Variants in RRAS2 observed in about 807,000 individuals in gnomAD.
RRAS2 encodes the protein ras-related protein R-Ras2.
RRAS2 carries 7 observed loss-of-function variants against 27.6 expected under a neutral mutation model. That is an observed-to-expected ratio of 0.25 (90% CI 0.14 to 0.48). The LOEUF is 0.48. Ranked by LOEUF, RRAS2 falls within the 20% of genes least tolerant of loss-of-function variation. The probability of loss-of-function intolerance (pLI) is 0.99; values close to 1 mark genes in which losing one functional copy is unlikely to be tolerated. For missense variants in RRAS2, 178 were observed against 256.2 expected (o/e 0.69, Z 2.08); for synonymous variants, 86 against 90.9 (o/e 0.95, Z 0.31).
chr11:14,347,775 C>CCACTA, intron 1 of RRAS2, among the ~76,000 whole-genome samples: 1 of 151,990 alleles, frequency 6.6e-6, no homozygotes, highest in Non-Finnish European at 1.5e-5. Context: ...TGTCATCACA[C>CCACTA]CACTACACTA....
Position 14,293,086 on chromosome 11 carries a change from C to T in RRAS2, c.408+1385G>A, listed in dbSNP as rs573345960. On this transcript the variant is annotated intron_variant, in intron 4 of 5. Transcript: ENST00000256196. ...TCACGCCACTGCACTCCAGCCTGGG[C>T]GACAGAACGAGACTCCGTCTCAAAA... 6.0e-4 allele frequency among the ~76,000 whole-genome samples: 79 copies of T among 131,764 alleles called. 1 individual carries two copies. Among genetic ancestry groups the T allele is most frequent in the African/African-American group, 2.1e-3 (72 of 34,182 alleles). The allele number at this position is 131,764 out of a possible 152,430, so 86.4% of individuals were successfully genotyped here.
intron 1 of RRAS2, among the ~76,000 whole-genome samples, chr11:14,321,999 A>G (rs1244882862): frequency 6.6e-6 from 1 of 152,216 alleles, no homozygotes; most frequent in East Asian, 1.9e-4. Flanking sequence ...TATTGACTAT[A>G]TACTATTTAA....
intron 1 of RRAS2, among the ~76,000 whole-genome samples, chr11:14,318,901 C>A (rs959648874): frequency 6.6e-6 from 1 of 152,200 alleles, no homozygotes; most frequent in Admixed American, 6.5e-5. Flanking sequence ...GACTTGGCAA[C>A]AATACAGCTA....
At chr11:14,326,564 A>C (rs1363731328) in intron 1 of RRAS2, among the ~76,000 whole-genome samples, 3 of 152,226 alleles carry the variant, frequency 2.0e-5, no homozygotes, top group Admixed American at 2.0e-4. Context: ...TAAATCAGTA[A>C]AAGAATTTTA....
intron 1 of RRAS2, among the ~76,000 whole-genome samples, chr11:14,307,510 T>C (rs1373448200): frequency 9.2e-6 from 1 of 108,702 alleles, no homozygotes; most frequent in East Asian, 2.9e-4. Context: ...TGCCTCAGCC[T>C]CCCGAGAAGC....
At chr11:14,288,499 T>C (rs993052957) in intron 4 of RRAS2, among the ~76,000 whole-genome samples, 40 of 152,282 alleles carry the variant, frequency 2.6e-4, no homozygotes, top group Admixed American at 1.7e-3. Flanking sequence ...CTGTGGAAGT[T>C]AGAAATCAAA....
In RRAS2 at chr11:14,358,098, G is replaced by A; in HGVS notation, c.108+665C>T. On this transcript the variant is annotated intron_variant, in intron 1 of 5. Coordinates refer to ENST00000256196, the MANE Select transcript of RRAS2 (RefSeq NM_012250.6). This position sits in a 1 kb window ranked among gnomAD's most constrained non-coding sequence, Gnocchi z 5.1. ...ACGGCGAGAAGCAGGACGGCATCAG[G>A]AATTCCTAGGAAATGGTCTCACCCC... 4.0e-6 allele frequency: 2 copies of A among 506,192 alleles called. No homozygotes were observed. The highest frequency in any genetic ancestry group is 5.1e-6 in the Non-Finnish European group (2 of 391,968). The allele number at this position is 506,192 out of a possible 1,614,324, so 31.4% of individuals were successfully genotyped here.
intron 4 of RRAS2, among the ~76,000 whole-genome samples, chr11:14,282,707 C>T (rs1269526486): frequency 1.3e-5 from 2 of 151,414 alleles, no homozygotes; most frequent in East Asian, 3.9e-4. Flanking sequence ...CATAGAGAAT[C>T]ATGTTCTTTT....
intron 1 of RRAS2, among the ~76,000 whole-genome samples, chr11:14,307,540 A>G (rs910336331): frequency 6.6e-6 from 1 of 151,512 alleles, no homozygotes; most frequent in Non-Finnish European, 1.5e-5. Flanking sequence ...AGCGCCCACC[A>G]TTTTACAGAT....
chr11:14,350,994 G>T (rs1232057699), intron 1 of RRAS2, among the ~76,000 whole-genome samples: 3 of 152,174 alleles, frequency 2.0e-5, no homozygotes, highest in African/African-American at 7.2e-5. Flanking sequence ...TTGTACATGT[G>T]TATTTTCATA....
At chr11:14,343,486 G>T (rs558431107) in intron 1 of RRAS2, among the ~76,000 whole-genome samples, 1 of 152,264 alleles carries the variant, frequency 6.6e-6, no homozygotes, top group South Asian at 2.1e-4. Flanking sequence ...CTTCGCAGTG[G>T]TTATCAGAAA....
Position 14,344,983 on chromosome 11 carries a change from C to CTTTTTTTT in RRAS2, c.108+13779_108+13780insAAAAAAAA, listed in dbSNP as rs782306600. On this transcript the variant is annotated intron_variant, in intron 1 of 5. Transcript: ENST00000256196. ...TTTATTTCCTGTGCCCTACTCAAGA[C>CTTTTTTTT]TTTATTTTTTTTTTTTTTTTTTTTG... Among the ~76,000 whole-genome samples the CTTTTTTTT allele has an allele frequency of 2.3e-4, 18 of 78,982 alleles. 3 individuals carry two copies. Among genetic ancestry groups the CTTTTTTTT allele is most frequent in the Non-Finnish European group, 2.4e-4 (10 of 41,404 alleles). 51.8% of individuals were successfully genotyped at this position (78,982 alleles called of 152,430 possible).
chr11:14,294,723 C>A, intron 3 of RRAS2, 37 bp downstream of exon 3: 1 of 1,586,444 alleles, frequency 6.3e-7, no homozygotes, highest in South Asian at 1.1e-5. Flanking sequence ...GTGATCTTGA[C>A]AAGAACAGTG....
In RRAS2 at chr11:14,286,685, A is replaced by C. The variant is rs180937384; in HGVS notation, c.409-4965T>G. On this transcript the variant is annotated intron_variant, in intron 4 of 5. Transcript: ENST00000256196. ...TATACATATATCCAACAACTACTTC[A>C]TAACTGTTTGTGCCCTGTGGCATTC... Among the ~76,000 whole-genome samples the C allele has an allele frequency of 8.1e-4, 123 of 152,338 alleles. 1 individual carries two copies. Among genetic ancestry groups the C allele is most frequent in the African/African-American group, 2.9e-3 (119 of 41,576 alleles).
intron 1 of RRAS2, among the ~76,000 whole-genome samples, chr11:14,319,240 G>A (rs555323024): frequency 6.6e-6 from 1 of 151,408 alleles, no homozygotes; most frequent in Non-Finnish European, 1.5e-5. Context: ...CGTCAATCCT[G>A]ACATTTGGCA....
Position 14,332,755 on chromosome 11 carries a change from G to GT in RRAS2, c.108+26007dup, listed in dbSNP as rs1342388574. 3.9e-5 allele frequency among the ~76,000 whole-genome samples: 6 copies of GT among 152,178 alleles called. No homozygotes were observed. In the East Asian group the frequency reaches 1.2e-3, roughly 29 times the overall value. ...TTGTAATGATGGTTACACAAGGTGT[G>GT]TAATTTTTCAAAACTCACATGACAG... On this transcript the variant is annotated intron_variant, in intron 1 of 5. Transcript: ENST00000256196.
chr11:14,348,299 T>C (rs1848880479), intron 1 of RRAS2, among the ~76,000 whole-genome samples: 1 of 152,196 alleles, frequency 6.6e-6, no homozygotes, highest in Non-Finnish European at 1.5e-5. Flanking sequence ...AAAGTTGTTA[T>C]TTTCCCCCTG....
chr11:14,283,490 C>T (rs749559754), intron 4 of RRAS2, among the ~76,000 whole-genome samples: 5 of 152,180 alleles, frequency 3.3e-5, no homozygotes, highest in African/African-American at 7.2e-5. Context: ...AGTAGTATTT[C>T]TTCCTTAAAT....
At chr11:14,286,301 A>G (rs1849659939) in intron 4 of RRAS2, among the ~76,000 whole-genome samples, 1 of 152,176 alleles carries the variant, frequency 6.6e-6, no homozygotes, top group Admixed American at 6.5e-5. Context: ...CGTATCAGGT[A>G]TCAGATATTT....
Sources: allele counts gnomAD v4.1 joint callset (sites outside exome capture counted in the v4.1 genomes callset), GRCh38; gene constraint gnomAD v4.1.1; non-coding constraint Gnocchi (gnomAD v3.1); transcripts MANE v1.5; gene names NCBI Gene and HGNC (gene_info 2026-07-23, HGNC 2026-07-21).